ULK4: variants seen among roughly 807,000 people sequenced by gnomAD.
ULK4 encodes unc-51 like kinase 4.
In ULK4, 133 loss-of-function variants were observed where a neutral mutation model predicts 160.6. The observed-to-expected ratio is 0.83, with a 90% confidence interval of 0.72 to 0.96. The LOEUF is 0.96. ULK4 is among the 40% of genes least tolerant of loss of function. The pLI is 0.00. For missense variants in ULK4, 1,580 were observed against 1,499.5 expected (o/e 1.05, Z -0.89); for synonymous variants, 534 against 539.8 (o/e 0.99, Z 0.15).
rs750413865 is a variant in ULK4 at position 41,918,543 on chromosome 3, G to A, written c.644-3C>T. ...TTCTGAGAAGAATGGAGGTTTTCCT[G>A]AAATCACATGAAAACTTGCAAAATG... On this transcript the variant is annotated splice_region_variant and splice_polypyrimidine_tract_variant and intron_variant, in intron 6 of 36. Coordinates refer to ENST00000301831, the MANE Select transcript of ULK4 (RefSeq NM_017886.4). 3 of 1,505,600 alleles carry A rather than the reference G, an allele frequency of 2.0e-6. No individual in the cohort carries two copies. The highest frequency in any genetic ancestry group is 1.3e-5 in the South Asian group (1 of 76,800). 93.3% of individuals were successfully genotyped at this position (1,505,600 alleles called of 1,614,324 possible).
chr3:41,530,271 C>G (rs2086257097), intron 32 of ULK4, among the ~76,000 whole-genome samples: 1 of 152,088 alleles, frequency 6.6e-6, no homozygotes, highest in Non-Finnish European at 1.5e-5. Flanking sequence ...ATCACCACAA[C>G]TCTAAGGAAG....
chr3:41,249,579 A>G lies in ULK4; in HGVS notation c.3679-5T>C, dbSNP rs1168302753. Reference sequence around the variant, plus strand: ...GTGCTTCTCATTGGAGGTGATCTGCAAGGGCAGGAGGAAGAAGACAGTGGT... The same window carrying G: ...GTGCTTCTCATTGGAGGTGATCTGCGAGGGCAGGAGGAAGAAGACAGTGGT... On this transcript the variant is annotated splice_polypyrimidine_tract_variant and splice_region_variant and intron_variant, in intron 35 of 36. Coordinates refer to ENST00000301831, the MANE Select transcript of ULK4 (RefSeq NM_017886.4). 1.2e-6 allele frequency: 2 copies of G among 1,613,370 alleles called. No homozygotes were observed. Among genetic ancestry groups the G allele is most frequent in the African/African-American group, 1.3e-5 (1 of 75,060 alleles).
intron 32 of ULK4, among the ~76,000 whole-genome samples, chr3:41,558,922 A>T (rs997151127): frequency 2.9e-4 from 42 of 146,560 alleles, no homozygotes; most frequent in African/African-American, 1.0e-3. Flanking sequence ...CATGTGCACA[A>T]CGTGCAGGTT....
chr3:41,492,663 A>G (rs1252401831), intron 32 of ULK4, among the ~76,000 whole-genome samples: 33 of 152,066 alleles, frequency 2.2e-4, no homozygotes, highest in Non-Finnish European at 3.5e-4. Flanking sequence ...GCCCATCAGT[A>G]TGCTGTATTC....
At chr3:41,909,504 G>C (rs1698698271) in intron 11 of ULK4, among the ~76,000 whole-genome samples, 1 of 152,070 alleles carries the variant, frequency 6.6e-6, no homozygotes, top group Admixed American at 6.6e-5. Context: ...CTGAGCTCAG[G>C]AGTTCGAGGC....
chr3:41,476,603 C>T (rs898979453), intron 32 of ULK4, among the ~76,000 whole-genome samples: 2 of 152,066 alleles, frequency 1.3e-5, no homozygotes, highest in African/African-American at 4.8e-5. Flanking sequence ...AAACATTAAG[C>T]CATTCCTTTT....
chr3:41,776,014 T>A (rs2039605150), intron 21 of ULK4, among the ~76,000 whole-genome samples: 1 of 151,002 alleles, frequency 6.6e-6, no homozygotes, highest in South Asian at 2.1e-4. Context: ...ACATGTATTT[T>A]TTGGCTCAGG....
chr3:41,252,973 T>G (rs1354554636), intron 35 of ULK4, among the ~76,000 whole-genome samples: 2 of 152,140 alleles, frequency 1.3e-5, no homozygotes, highest in Non-Finnish European at 2.9e-5. Context: ...CTGAAACTAC[T>G]GAGGCCATTA....
chr3:41,468,831 CT>C (rs946327018), intron 32 of ULK4, among the ~76,000 whole-genome samples: 1 of 152,204 alleles, frequency 6.6e-6, no homozygotes, highest in Non-Finnish European at 1.5e-5. Context: ...CCACTCCTAT[CT>C]TACATCATGG....
intron 30 of ULK4, among the ~76,000 whole-genome samples, chr3:41,636,621 T>G (rs939882739): frequency 6.6e-6 from 1 of 151,944 alleles, no homozygotes; most frequent in East Asian, 1.9e-4. Flanking sequence ...TAATTATTAT[T>G]ATACTTTAAG....
intron 32 of ULK4, among the ~76,000 whole-genome samples, chr3:41,563,946 G>GT (rs1215930047): frequency 6.6e-6 from 1 of 152,132 alleles, no homozygotes; most frequent in Admixed American, 6.5e-5. Context: ...AGGTGCTATG[G>GT]TTTTTAGAAT....
chr3:41,443,430 A>G (rs1474857159), intron 34 of ULK4, among the ~76,000 whole-genome samples: 1 of 152,240 alleles, frequency 6.6e-6, no homozygotes, highest in African/African-American at 2.4e-5. Context: ...TGCATAAAAT[A>G]AATAATGGAT....
intron 31 of ULK4, among the ~76,000 whole-genome samples, chr3:41,590,294 G>T (rs937549469): frequency 2.0e-5 from 3 of 150,282 alleles, no homozygotes; most frequent in African/African-American, 4.9e-5. Context: ...GAGCCACCGC[G>T]CCCGGCCCCC....
At chr3:41,784,387 T>G (rs1454558352) in intron 21 of ULK4, among the ~76,000 whole-genome samples, 1 of 152,042 alleles carries the variant, frequency 6.6e-6, no homozygotes, top group Non-Finnish European at 1.5e-5. Context: ...TGAGCCGAGA[T>G]CACTCTATTG....
In ULK4 at chr3:41,563,010, T is replaced by G. The variant is rs1204515270; in HGVS notation, c.3226+3015A>C. On this transcript the variant is annotated intron_variant, in intron 32 of 36. Transcript: ENST00000301831. ...GCAGTGGCTGCTACAGGTTGTTCCTTTCCATGTTTAGTGCTTCCTTTAGGA... is the reference window on the plus strand; with the variant it reads ...GCAGTGGCTGCTACAGGTTGTTCCTGTCCATGTTTAGTGCTTCCTTTAGGA... 2.6e-5 allele frequency among the ~76,000 whole-genome samples: 4 copies of G among 152,196 alleles called. No individual in the cohort carries two copies. In the East Asian group the frequency reaches 7.7e-4, roughly 29 times the overall value.
At chr3:41,523,655 C>A (rs112116583) in intron 32 of ULK4, among the ~76,000 whole-genome samples, 2 of 152,194 alleles carry the variant, frequency 1.3e-5, no homozygotes, top group Non-Finnish European at 2.9e-5. Context: ...TATGGAGAAA[C>A]TGGAGTCCAT....
rs77665901 is a variant in ULK4, at chr3:41,257,608, G to A, written c.3679-8034C>T. On this transcript the variant is annotated intron_variant, in intron 35 of 36. Coordinates refer to ENST00000301831, the MANE Select transcript of ULK4 (RefSeq NM_017886.4). ...TGATCAAGCAACTGCACTCTAGCCT[G>A]GGTGACAGGGTGAGACTATGTCTCA... Among the ~76,000 whole-genome samples the A allele has an allele frequency of 1.0e-4, 15 of 149,166 alleles. No individual in the cohort carries two copies. In the East Asian group the frequency reaches 2.7e-3, roughly 27 times the overall value.
intron 32 of ULK4, among the ~76,000 whole-genome samples, chr3:41,480,605 T>C (rs2084290537): frequency 1.3e-5 from 2 of 152,168 alleles, no homozygotes; most frequent in Non-Finnish European, 2.9e-5. Flanking sequence ...TTAATAACAT[T>C]TTTTTCTCTA....
chr3:41,769,664 GA>G (rs148105493), intron 21 of ULK4, among the ~76,000 whole-genome samples: 1,894 of 152,244 alleles, frequency 0.012, 36 homozygotes, highest in African/African-American at 0.041. Context: ...ATGGTATAAT[GA>G]AATATTTAAA....
Sources: allele counts gnomAD v4.1 joint callset (sites outside exome capture counted in the v4.1 genomes callset), GRCh38; gene constraint gnomAD v4.1.1; transcripts MANE v1.5; gene names NCBI Gene and HGNC (gene_info 2026-07-23, HGNC 2026-07-21).